The following PALS1 variants were observed in gnomAD, a reference collection of about 807,000 sequenced individuals.
PALS1 encodes protein PALS1.
A neutral mutation model predicts 78.9 loss-of-function variants in PALS1; 31 were observed. The observed-to-expected ratio is 0.39, with a 90% CI of 0.30 to 0.53. The LOEUF (loss-of-function observed/expected upper bound fraction) is 0.53, where lower values mean the gene tolerates loss of function less well. Among genes scored for constraint, PALS1 ranks in the 20% least tolerant of loss-of-function variants. The probability of loss-of-function intolerance (pLI) is 0.67; values close to 1 mark genes in which losing one functional copy is unlikely to be tolerated. For synonymous variants in PALS1, 276 were observed against 270.9 expected (o/e 1.02, Z -0.18); for missense variants, 704 against 826.5 (o/e 0.85, Z 1.82).
At chr14:67,244,670 A>G (rs1040400670) in intron 1 of PALS1, among the ~76,000 whole-genome samples, 6 of 152,240 alleles carry the variant, frequency 3.9e-5, no homozygotes, top group Non-Finnish European at 8.8e-5. Context: ...AATCTTTGCA[A>G]ATAGGTTTTT....
At chr14:67,327,778 T>C (rs1312302184) in intron 14 of PALS1, among the ~76,000 whole-genome samples, 1 of 152,186 alleles carries the variant, frequency 6.6e-6, no homozygotes, top group East Asian at 1.9e-4. Context: ...CTCAGAATGA[T>C]GGTTTCCAGC....
chr14:67,302,782 C>A (rs989089028), intron 7 of PALS1, among the ~76,000 whole-genome samples: 2 of 152,052 alleles, frequency 1.3e-5, no homozygotes, highest in East Asian at 3.8e-4. Context: ...ATCACTATCA[C>A]ATATATTTTA....
At chr14:67,328,527 G>A (rs1288476689) in intron 14 of PALS1, among the ~76,000 whole-genome samples, 1 of 152,158 alleles carries the variant, frequency 6.6e-6, no homozygotes, top group African/African-American at 2.4e-5. Flanking sequence ...ATTGCTTTTG[G>A]TGTTTTAGTC....
intron 8 of PALS1, among the ~76,000 whole-genome samples, chr14:67,305,519 G>C (rs2084989453): frequency 6.6e-6 from 1 of 152,170 alleles, no homozygotes; most frequent in Non-Finnish European, 1.5e-5. Flanking sequence ...GAGCTCAAGT[G>C]GTCCACCCGC....
chr14:67,316,939 C>A (rs1375944638), intron 10 of PALS1, 36 bp downstream of exon 10: 2 of 1,532,312 alleles, frequency 1.3e-6, no homozygotes, highest in East Asian at 2.3e-5. Context: ...TAAATGGTTT[C>A]TTGGGTCTTC....
At position 67,320,676 on chromosome 14, in the gene PALS1, T is replaced by A. The variant is rs2085250154; in HGVS notation, c.1537+279T>A. 2.6e-5 allele frequency among the ~76,000 whole-genome samples: 4 copies of A among 152,058 alleles called. No individual in the cohort carries two copies. The South Asian group carries it at 8.3e-4, about 32-fold the overall frequency. On this transcript the variant is annotated intron_variant, in intron 12 of 14. Transcript: ENST00000261681. ...CATAGAGAATCAGTTCCTGCTGCTT[T>A]AAAGTGATACAGAAGATAGAAACTT...
At position 67,277,600 on chromosome 14, in the gene PALS1, G is replaced by GA. The variant is rs35255576; in HGVS notation, c.-153-1408dup. ...ACTGTAAATATTATTGCTCTTGAGT[G>GA]AAAAAAAAAAGGCTAATTAGATTTA... On this transcript the variant is annotated intron_variant, in intron 2 of 14. Coordinates refer to ENST00000261681, the MANE Select transcript of PALS1 (RefSeq NM_022474.4). Among the ~76,000 whole-genome samples the GA allele has an allele frequency of 1.3e-3, 186 of 145,014 alleles. 1 individual carries two copies. The highest frequency in any genetic ancestry group is 5.3e-3 in the South Asian group (24 of 4,544).
chr14:67,288,132 T>G (rs1393453926), intron 3 of PALS1, among the ~76,000 whole-genome samples: 1 of 151,934 alleles, frequency 6.6e-6, no homozygotes, highest in Admixed American at 6.6e-5. Flanking sequence ...CAGGCTGGAG[T>G]GCAGTGGTGC....
At chr14:67,318,534 T>C (rs918873412) in intron 11 of PALS1, among the ~76,000 whole-genome samples, 3 of 152,200 alleles carry the variant, frequency 2.0e-5, no homozygotes, top group African/African-American at 7.2e-5. Context: ...ACTGAGTCTA[T>C]AAATTAAAAT....
chr14:67,311,241 A>G (rs1183133028), intron 8 of PALS1, among the ~76,000 whole-genome samples: 2 of 143,272 alleles, frequency 1.4e-5, no homozygotes, highest in African/African-American at 2.6e-5. Flanking sequence ...AACCCGGGAG[A>G]TGGAGTTTGC....
intron 1 of PALS1, among the ~76,000 whole-genome samples, chr14:67,259,067 T>C (rs2084189954): frequency 6.6e-6 from 1 of 151,676 alleles, no homozygotes; most frequent in Non-Finnish European, 1.5e-5. Flanking sequence ...GGTCTCGAAC[T>C]CGTGGCCTCA....
intron 14 of PALS1, among the ~76,000 whole-genome samples, chr14:67,324,815 C>G (rs2085325256): frequency 6.6e-6 from 1 of 151,630 alleles, no homozygotes; most frequent in Admixed American, 6.6e-5. Context: ...GAACTCCTGG[C>G]CTCAAGAAAC....
At chr14:67,307,855 G>A (rs1166007346) in intron 8 of PALS1, among the ~76,000 whole-genome samples, 1 of 152,050 alleles carries the variant, frequency 6.6e-6, no homozygotes, top group Non-Finnish European at 1.5e-5. Context: ...TGATAGATTC[G>A]ATAAAGAAAA....
At chr14:67,244,365 G>A (rs536524623) in intron 1 of PALS1, among the ~76,000 whole-genome samples, 1 of 152,340 alleles carries the variant, frequency 6.6e-6, no homozygotes, top group Non-Finnish European at 1.5e-5. Flanking sequence ...TTACATTCCT[G>A]CAAACAGTAT....
chr14:67,320,109 C>A (rs1023211363), intron 11 of PALS1, 121 bp from the exon 12 acceptor site: 3 of 736,758 alleles, frequency 4.1e-6, no homozygotes, highest in Non-Finnish European at 6.2e-6. Context: ...GATACCCTAG[C>A]AAGGATGTAA....
At chr14:67,309,777 C>T (rs531575611) in intron 8 of PALS1, among the ~76,000 whole-genome samples, 6 of 152,208 alleles carry the variant, frequency 3.9e-5, no homozygotes, top group East Asian at 3.9e-4. Context: ...GTCTGAGGTG[C>T]GGCATGAGAA....
intron 4 of PALS1, among the ~76,000 whole-genome samples, chr14:67,297,079 CAT>C (rs1174140079): frequency 6.6e-6 from 1 of 152,300 alleles, no homozygotes; most frequent in Middle Eastern, 3.4e-3. Context: ...AATAATACCA[CAT>C]GTGTGACAAA....
At chr14:67,305,835 T>C (rs2084994339) in intron 8 of PALS1, among the ~76,000 whole-genome samples, 1 of 152,366 alleles carries the variant, frequency 6.6e-6, no homozygotes, top group Admixed American at 6.5e-5. Flanking sequence ...AATAAAAGGC[T>C]GGTTTAATCT....
At chr14:67,243,350 G>C (rs934085628) in intron 1 of PALS1, among the ~76,000 whole-genome samples, 3 of 148,506 alleles carry the variant, frequency 2.0e-5, no homozygotes, top group Non-Finnish European at 4.5e-5. Flanking sequence ...ACCACACCTG[G>C]CTAATTTTTG....
Sources: allele counts gnomAD v4.1 joint callset (sites outside exome capture counted in the v4.1 genomes callset), GRCh38; gene constraint gnomAD v4.1.1; transcripts MANE v1.5; gene names NCBI Gene and HGNC (gene_info 2026-07-23, HGNC 2026-07-21).